PCLO: variants seen among roughly 807,000 people sequenced by gnomAD.
PCLO encodes the protein protein piccolo.
A neutral mutation model predicts 427.5 loss-of-function variants in PCLO; 82 were observed. The observed-to-expected ratio is 0.19, with a 90% CI of 0.16 to 0.23. The LOEUF is 0.23. Among genes scored for constraint, PCLO ranks in the 10% least tolerant of loss-of-function variants. The pLI, the probability that PCLO is intolerant of heterozygous loss-of-function variation, is 1.00. For synonymous variants in PCLO, 2,357 were observed against 2,155.4 expected, an observed-to-expected ratio of 1.09 and a Z score of -2.59; for missense variants, 6,239 against 6,115.9, an observed-to-expected ratio of 1.02 and a Z score of -0.67.
At chr7:82,890,928 A>G (rs896734661) in intron 9 of PCLO, among the ~76,000 whole-genome samples, 3 of 152,040 alleles carry the variant, frequency 2.0e-5, no homozygotes, top group Non-Finnish European at 4.4e-5. Context: ...TTTATATTTT[A>G]TGTCCCCTAA....
Position 82,914,969 on chromosome 7 carries a change from C to T in PCLO, c.13017G>A (p.Pro4339=), listed in dbSNP as rs772226753. 7 of 1,613,614 alleles carry T rather than the reference C, an allele frequency of 4.3e-6. No individual in the cohort carries two copies. The highest frequency in any genetic ancestry group is 3.3e-4 in the Middle Eastern group (2 of 6,058). ...TACTTTGACTAATTGGCAAACTGGT[C>T]GGCTTAGTTCTGGCAGAGGATGATG... ...SHASSSARTK[P]TSLPISQSRG... is the part of the protein sequence containing the mutation. Residue 4339 remains proline, a synonymous_variant, in exon 7 of 25, where the codon CCG becomes CCA. Transcript: ENST00000333891.
chr7:83,100,754 C>A (rs902653995), intron 3 of PCLO, among the ~76,000 whole-genome samples: 1 of 152,050 alleles, frequency 6.6e-6, no homozygotes, highest in Non-Finnish European at 1.5e-5. Flanking sequence ...TAAACCCCCA[C>A]AACACCAGTT....
chr7:83,059,507 T>G (rs2116308885), intron 3 of PCLO, among the ~76,000 whole-genome samples: 1 of 151,372 alleles, frequency 6.6e-6, no homozygotes, highest in South Asian at 2.1e-4. Flanking sequence ...TCATGAAAAC[T>G]TTCATCCTAA....
intron 8 of PCLO, among the ~76,000 whole-genome samples, chr7:82,905,659 A>G (rs1456174369): frequency 6.6e-6 from 1 of 151,928 alleles, no homozygotes; most frequent in Non-Finnish European, 1.5e-5. Flanking sequence ...CACCTGGGTG[A>G]TGATTAGGGT....
At position 82,950,291 on chromosome 7, in the gene PCLO, C is replaced by G; in HGVS notation, c.10297G>C (p.Asp3433His). 1 of 1,613,470 alleles carries G rather than the reference C, an allele frequency of 6.2e-7. No homozygotes were observed. The highest frequency in any genetic ancestry group is 8.5e-7 in the Non-Finnish European group (1 of 1,179,802). The change falls in exon 6 of 25, where the codon GAT becomes CAT. Residue 3433 changes from aspartate (D) to histidine (H), a missense_variant. Asp to His is a moderately conservative substitution (Grantham distance 81, BLOSUM62 -1). Transcript: ENST00000333891. ...ACTATCTTTTTAAAACTTCGGGGAT[C>G]ATCTGTCATATTTTCTCCCATGTCA... ...YDDMGENMTDDPRSFKKIVDS... is the reference protein window; with the variant it reads ...YDDMGENMTDHPRSFKKIVDS...
At chr7:82,777,899 A>T (rs1409634653) in intron 22 of PCLO, among the ~76,000 whole-genome samples, 1 of 152,218 alleles carries the variant, frequency 6.6e-6, no homozygotes, top group East Asian at 1.9e-4. Flanking sequence ...CAATTGCAAT[A>T]AAAGCAAAAA....
chr7:82,827,091 T>C (rs1275411403), intron 17 of PCLO, among the ~76,000 whole-genome samples: 1 of 152,082 alleles, frequency 6.6e-6, no homozygotes, highest in Non-Finnish European at 1.5e-5. Flanking sequence ...GGTGAGTTTA[T>C]TTTAAATTCA....
At chr7:83,027,614 G>A (rs944848084) in intron 3 of PCLO, among the ~76,000 whole-genome samples, 1 of 148,444 alleles carries the variant, frequency 6.7e-6, no homozygotes, top group Non-Finnish European at 1.5e-5. Flanking sequence ...TATGAGGCCA[G>A]CATCATCCTG....
chr7:83,070,144 C>T (rs2116349817), intron 3 of PCLO, among the ~76,000 whole-genome samples: 1 of 152,060 alleles, frequency 6.6e-6, no homozygotes, highest in East Asian at 1.9e-4. Context: ...CTGGGAAAAG[C>T]CATATTGGAA....
At chr7:83,013,592 AAAT>A (rs1339941928) in intron 3 of PCLO, among the ~76,000 whole-genome samples, 1 of 152,178 alleles carries the variant, frequency 6.6e-6, no homozygotes, top group African/African-American at 2.4e-5. Flanking sequence ...ATGCCAATCT[AAAT>A]AAGGCACATC....
intron 3 of PCLO, among the ~76,000 whole-genome samples, chr7:82,980,927 T>A (rs1796134011): frequency 6.6e-6 from 1 of 152,144 alleles, no homozygotes; most frequent in Non-Finnish European, 1.5e-5. Context: ...TCTATAATTA[T>A]GTTCAATACA....
chr7:82,997,389 A>G (rs1260657584), intron 3 of PCLO, among the ~76,000 whole-genome samples: 1 of 151,994 alleles, frequency 6.6e-6, no homozygotes, highest in Non-Finnish European at 1.5e-5. Flanking sequence ...AGCTGTTACC[A>G]TTATAATCTT....
chr7:82,953,233 T>C lies in PCLO; in HGVS notation c.7720A>G (p.Lys2574Glu), dbSNP rs1011240924. Residue 2574 changes from lysine to glutamate, a missense_variant, in exon 5 of 25, where the codon AAA becomes GAA. Physicochemically the swap from Lys to Glu is moderately conservative, Grantham distance 56 (BLOSUM62 1). Around this residue, in one of 5 missense-constraint regions of PCLO, gnomAD observed 4,677 missense variants for 4,468.4 expected, o/e 1.05. Transcript: ENST00000333891. ...ACTACATAAGTTTCTGTGAGGGATT[T>C]GGAAAATCTTGGTGAAGACTTGTTG... Reference protein sequence around the residue: ...HSNKSSPRFSKSLTETYVVIT... With the variant: ...HSNKSSPRFSESLTETYVVIT... 1 of 1,613,944 alleles carries C rather than the reference T, an allele frequency of 6.2e-7. No individual in the cohort carries two copies.
At chr7:82,777,551 C>T (rs1010318202) in intron 22 of PCLO, among the ~76,000 whole-genome samples, 1 of 152,104 alleles carries the variant, frequency 6.6e-6, no homozygotes, top group Non-Finnish European at 1.5e-5. Flanking sequence ...GGTACAAACA[C>T]ATGGACCAAT....
intron 21 of PCLO, among the ~76,000 whole-genome samples, chr7:82,802,891 T>C (rs559765867): frequency 3.7e-4 from 57 of 152,258 alleles, no homozygotes; most frequent in African/African-American, 1.3e-3. Context: ...ATTCAGAAAT[T>C]ATTTTATCTC....
chr7:83,080,859 T>C (rs916742601), intron 3 of PCLO, among the ~76,000 whole-genome samples: 6 of 151,894 alleles, frequency 4.0e-5, no homozygotes, highest in African/African-American at 1.2e-4. Context: ...TTTCCCCATA[T>C]ATACATACCT....
intron 9 of PCLO, among the ~76,000 whole-genome samples, chr7:82,883,816 G>A (rs1358626604): frequency 6.6e-6 from 1 of 152,028 alleles, no homozygotes; most frequent in East Asian, 1.9e-4. Context: ...TGTTCCCCAA[G>A]CTGGAGTGCA....
chr7:82,895,234 CAA>C (rs1240943887), intron 9 of PCLO, among the ~76,000 whole-genome samples: 2 of 151,162 alleles, frequency 1.3e-5, no homozygotes, highest in Admixed American at 6.6e-5. Context: ...TCTAAATAAA[CAA>C]TAGGTAAGAG....
chr7:83,027,296 T>C (rs1788527611), intron 3 of PCLO, among the ~76,000 whole-genome samples: 2 of 150,976 alleles, frequency 1.3e-5, no homozygotes, highest in African/African-American at 4.9e-5. Context: ...CCCACAGAAA[T>C]ACAAACTACC....
Sources: gnomAD v4.1 joint callset for allele counts (sites outside exome capture counted in the v4.1 genomes callset) on GRCh38, gnomAD v4.1.1 for gene constraint, gnomAD v4.1.1 regional missense constraint, MANE v1.5 for transcripts, NCBI Gene and HGNC (gene_info 2026-07-23, HGNC 2026-07-21) for gene names.